Variants in JAKMIP3 observed in about 807,000 individuals in gnomAD.
JAKMIP3 encodes the protein Janus kinase and microtubule interacting protein 3, also known as janus kinase and microtubule-interacting protein 3.
In JAKMIP3, 58 loss-of-function variants were observed where a neutral mutation model predicts 118.5. The ratio of observed to expected loss-of-function variants is 0.49; its 90% confidence interval spans 0.40 to 0.61. The LOEUF (loss-of-function observed/expected upper bound fraction) is 0.61, where lower values mean the gene tolerates loss of function less well. Among genes scored for constraint, JAKMIP3 ranks in the 20% least tolerant of loss-of-function variants. The probability of loss-of-function intolerance (pLI) is 0.00; values close to 1 mark genes in which losing one functional copy is unlikely to be tolerated. For synonymous variants in JAKMIP3, 486 were observed against 451.2 expected (o/e 1.08, Z -0.98); for missense variants, 950 against 1,109.0 (o/e 0.86, Z 2.04).
chr10:132,179,702 AGCAGGGCCACACCACG>A lies in JAKMIP3; in HGVS notation c.*1104-2648_*1104-2633del, dbSNP rs2060520828. On this transcript the variant is annotated intron_variant, in intron 23 of 23. Coordinates refer to ENST00000684848, the MANE Select transcript of JAKMIP3 (RefSeq NM_001323087.2). This position sits in a 1 kb window ranked among gnomAD's most constrained non-coding sequence, Gnocchi z 4.3. ...AGGACTCAGCACACAGTCACACCAC[AGCAGGGCCACACCACG>A]GCAGGGTCGCACCACAGCAGGGTCA... Among the ~76,000 whole-genome samples the A allele has an allele frequency of 6.6e-6, 1 of 151,822 alleles. No individual in the cohort carries two copies. Among genetic ancestry groups the A allele is most frequent in the Admixed American group, 6.6e-5 (1 of 15,260 alleles).
At chr10:132,139,049 A>AGTGTGT (rs4009682) in intron 9 of JAKMIP3, among the ~76,000 whole-genome samples, 12,104 of 150,094 alleles carry the variant, frequency 0.081, 559 homozygotes, top group Middle Eastern at 0.17. Context: ...CTTTATGTTG[A>AGTGTGT]GTGTGTGTGT....
intron 11 of JAKMIP3, 99 bp downstream of exon 11, chr10:132,142,147 C>A: frequency 7.5e-7 from 1 of 1,329,124 alleles, no homozygotes. Context: ...CCCTCCTGGG[C>A]CCGGGCCCCT....
intron 23 of JAKMIP3, among the ~76,000 whole-genome samples, chr10:132,175,437 T>C (rs1185760351): frequency 6.6e-6 from 1 of 152,086 alleles, no homozygotes; most frequent in Non-Finnish European, 1.5e-5. Flanking sequence ...CTGGCTGGGG[T>C]GTCCACCTTA....
intron 3 of JAKMIP3, among the ~76,000 whole-genome samples, chr10:132,121,031 G>C (rs942279003): frequency 2.0e-5 from 3 of 152,222 alleles, no homozygotes; most frequent in African/African-American, 7.2e-5. Flanking sequence ...TGCTCAGAGA[G>C]GGACTCGGAA....
chr10:132,172,406 T>G (rs1165643361), intron 23 of JAKMIP3, among the ~76,000 whole-genome samples: 1 of 151,974 alleles, frequency 6.6e-6, no homozygotes, highest in Non-Finnish European at 1.5e-5. Flanking sequence ...TGGGGGAGAT[T>G]CGCCGAGACT....
chr10:132,085,104 A>AC (rs2042217985), intron 1 of JAKMIP3, among the ~76,000 whole-genome samples: 4 of 151,528 alleles, frequency 2.6e-5, no homozygotes, highest in Non-Finnish European at 4.4e-5. Flanking sequence ...TTTAGAGAGG[A>AC]TTCTCTCTTT....
Position 132,153,787 on chromosome 10 carries a change from C to T in JAKMIP3, c.2102C>T (p.Ala701Val), listed in dbSNP as rs142581576. 2.8e-5 allele frequency: 45 copies of T among 1,612,838 alleles called. 1 individual carries two copies. The Admixed American group carries it at 4.2e-4, about 15-fold the overall frequency. Residue 701 changes from alanine (A) to valine (V), a missense_variant, in exon 18 of 24, where the codon GCG (alanine) becomes GTG (valine). Coordinates refer to ENST00000684848, the MANE Select transcript of JAKMIP3 (RefSeq NM_001323087.2). ...CTCCAGCAGATTGAGGAGACAGAGG[C>T]GGCGCTGCAGCGGAAGATGGTGGAT... The part of the protein sequence containing the change: ...KWLQQIEETE[A>V]ALQRKMVDLE...
At chr10:132,103,940 G>A (rs1046652776) in intron 1 of JAKMIP3, among the ~76,000 whole-genome samples, 7 of 152,192 alleles carry the variant, frequency 4.6e-5, no homozygotes, top group Admixed American at 1.3e-4. Context: ...TGGGTTTGCC[G>A]ACTGTAGATC....
rs1440374371 is a variant in JAKMIP3 at position 132,177,364 on chromosome 10, ACGTGTGTG to A, written c.*1104-4991_*1104-4984del. Among the ~76,000 whole-genome samples the A allele has an allele frequency of 1.2e-4, 19 of 152,384 alleles. No homozygotes were observed. The East Asian group carries it at 3.7e-3, about 29-fold the overall frequency. ...TGGAGAACAGGCAGAAAGTGTGCGC[ACGTGTGTG>A]CACACATGCCAGTGTGTGGGGGGAG... On this transcript the variant is annotated intron_variant, in intron 23 of 23. Transcript: ENST00000684848.
intron 1 of JAKMIP3, among the ~76,000 whole-genome samples, chr10:132,103,452 G>C (rs866548332): frequency 8.8e-5 from 4 of 45,410 alleles, no homozygotes; most frequent in African/African-American, 5.4e-4. Context: ...GAGAGGAGCA[G>C]CTGGGGGGGG....
chr10:132,080,330 G>A (rs907274632), intron 1 of JAKMIP3, among the ~76,000 whole-genome samples: 1 of 152,112 alleles, frequency 6.6e-6, no homozygotes, highest in Non-Finnish European at 1.5e-5. Flanking sequence ...CCTAATGGGT[G>A]TGAGGTGGCG....
At chr10:132,150,703 C>T (rs898875368) in intron 16 of JAKMIP3, among the ~76,000 whole-genome samples, 3 of 151,858 alleles carry the variant, frequency 2.0e-5, no homozygotes, top group Admixed American at 6.6e-5. Flanking sequence ...CTCCATAATC[C>T]ATCTATCCGT....
intron 3 of JAKMIP3, among the ~76,000 whole-genome samples, chr10:132,128,207 T>C (rs1182756053): frequency 6.6e-6 from 1 of 152,260 alleles, no homozygotes; most frequent in Non-Finnish European, 1.5e-5. Context: ...CAGGCGTTTT[T>C]CTTAACACTC....
In JAKMIP3 at chr10:132,052,884, T is replaced by C. The variant is rs114870175; in HGVS notation, c.-138+16146T>C. ...TGTGCACTTTCTGCTAACTTTGCTGTGAACCTAAAACTGCTCTAAAAAGTC... is the reference window on the plus strand; with the variant it reads ...TGTGCACTTTCTGCTAACTTTGCTGCGAACCTAAAACTGCTCTAAAAAGTC... On this transcript the variant is annotated intron_variant, in intron 1 of 23. Coordinates refer to the JAKMIP3 transcript ENST00000657785. Among the ~76,000 whole-genome samples, 759 of 152,354 alleles carry C rather than the reference T, an allele frequency of 5.0e-3. 13 individuals are homozygous for C. Among genetic ancestry groups the C allele is most frequent in the African/African-American group, 0.017 (716 of 41,586 alleles).
chr10:132,160,209 TGGGTGGGCCTCTCCCTGTGTGATGCTG>T (rs2057944325), intron 19 of JAKMIP3, among the ~76,000 whole-genome samples: 9 of 14,538 alleles, frequency 6.2e-4, no homozygotes, highest in African/African-American at 1.5e-3. Flanking sequence ...TGTGTGATGC[TGGGTGGGCCTCTCCCTGTGTGATGCTG>T]GGGGGGGCCT....
intron 23 of JAKMIP3, among the ~76,000 whole-genome samples, chr10:132,172,371 A>G (rs2059575766): frequency 1.3e-5 from 2 of 151,980 alleles, no homozygotes; most frequent in Non-Finnish European, 2.9e-5. Context: ...ACTGAGAAGG[A>G]GTCCTTTGTA....
chr10:132,037,596 C>G (rs185426638), intron 1 of JAKMIP3, among the ~76,000 whole-genome samples: 1 of 152,160 alleles, frequency 6.6e-6, no homozygotes, highest in African/African-American at 2.4e-5. Flanking sequence ...CAAAAGACCC[C>G]TGCTGGATTT....
chr10:132,103,846 A>C (rs999474403), intron 1 of JAKMIP3, among the ~76,000 whole-genome samples: 1 of 152,148 alleles, frequency 6.6e-6, no homozygotes, highest in African/African-American at 2.4e-5. Flanking sequence ...TCTCCAAAAA[A>C]AGAAAGAAAA....
At chr10:132,150,406 T>G (rs2055873319) in intron 16 of JAKMIP3, among the ~76,000 whole-genome samples, 1 of 152,206 alleles carries the variant, frequency 6.6e-6, no homozygotes, top group Non-Finnish European at 1.5e-5. Context: ...GCAGACTCTA[T>G]AGATAACTCC....
Sources: allele counts gnomAD v4.1 joint callset (sites outside exome capture counted in the v4.1 genomes callset), GRCh38; gene constraint gnomAD v4.1.1; non-coding constraint Gnocchi (gnomAD v3.1); transcripts MANE v1.5; gene names NCBI Gene and HGNC (gene_info 2026-07-23, HGNC 2026-07-21).